Variants in NVL observed in about 807,000 individuals in gnomAD.
NVL encodes nuclear VCP like, also known as nuclear valosin-containing protein-like.
Under a neutral mutation model 110.2 loss-of-function variants are expected in NVL, and 84 were observed. The observed-to-expected ratio is 0.76, with a 90% CI of 0.64 to 0.91. The LOEUF (loss-of-function observed/expected upper bound fraction) is 0.91, where lower values mean the gene tolerates loss of function less well. Among genes scored for constraint, NVL ranks in the 40% least tolerant of loss-of-function variants. The pLI, the probability that NVL is intolerant of heterozygous loss-of-function variation, is 0.00. For missense variants in NVL, 882 were observed against 1,035.9 expected, an observed-to-expected ratio of 0.85 and a Z score of 2.04; for synonymous variants, 354 against 361.1, an observed-to-expected ratio of 0.98 and a Z score of 0.22.
chr1:224,328,687 T>C (rs1323245192), intron 1 of NVL, among the ~76,000 whole-genome samples: 1 of 151,978 alleles, frequency 6.6e-6, no homozygotes, highest in Non-Finnish European at 1.5e-5. Flanking sequence ...ATACAGGAAA[T>C]GAAAGACTCA....
intron 10 of NVL, 58 bp downstream of exon 10, chr1:224,300,504 A>T: frequency 8.2e-7 from 1 of 1,220,502 alleles, no homozygotes; most frequent in Non-Finnish European, 1.2e-6. Context: ...AAAAAGCAGG[A>T]TCTTTAATAT....
At chr1:224,329,991 T>A (rs948173229) in intron 1 of NVL, 80 bp downstream of exon 1, 4 of 1,386,088 alleles carry the variant, frequency 2.9e-6, no homozygotes, top group Admixed American at 1.7e-5. Context: ...TCCACCTGGA[T>A]GCCACCCGAC....
rs372108843 is a variant in NVL at position 224,253,189 on chromosome 1, T to G, written c.2183-2871A>C. 3.0e-3 allele frequency among the ~76,000 whole-genome samples: 459 copies of G among 151,732 alleles called. 3 individuals carry two copies. The highest frequency in any genetic ancestry group is 0.011 in the African/African-American group (443 of 41,430). On this transcript the variant is annotated intron_variant, in intron 18 of 22. Transcript: ENST00000281701. ...CCTCCCAAGTAGCTGAGATTACAAG[T>G]GTGCCCCCCTGCCCCCCACGCCCGG...
intron 18 of NVL, among the ~76,000 whole-genome samples, chr1:224,261,917 C>T (rs1191597645): frequency 6.6e-6 from 1 of 151,882 alleles, no homozygotes; most frequent in African/African-American, 2.4e-5. Flanking sequence ...GTGGTGATTG[C>T]ACTACTGCAC....
Position 224,322,634 on chromosome 1 carries a change from G to C in NVL, c.131+3757C>G, listed in dbSNP as rs867808856. On this transcript the variant is annotated intron_variant, in intron 2 of 22. Coordinates refer to ENST00000281701, the MANE Select transcript of NVL (RefSeq NM_002533.4). ...TGAGGTGCATGTTAGAAGAAACCTA[G>C]ATGGCTCTGAAGTGACTGCTGTTAG... is the stretch of plus-strand genomic sequence containing the variant. Among the ~76,000 whole-genome samples, 12 of 152,236 alleles carry C rather than the reference G, an allele frequency of 7.9e-5. No homozygotes were observed. In the Middle Eastern group the frequency reaches 0.02, roughly 259 times the overall value.
chr1:224,327,934 G>A (rs1424140991), intron 1 of NVL, among the ~76,000 whole-genome samples: 4 of 151,942 alleles, frequency 2.6e-5, no homozygotes. Flanking sequence ...GGTCTGTGTG[G>A]CTGGGACAGG....
chr1:224,233,121 C>A, intron 21 of NVL, 80 bp downstream of exon 21: 2 of 1,197,878 alleles, frequency 1.7e-6, no homozygotes, highest in South Asian at 2.7e-5. Flanking sequence ...ATAATAGACA[C>A]TAGAAAATGG....
rs34120278 is a variant in NVL at position 224,255,182 on chromosome 1, G to GTTTTTTTTT, written c.2183-4873_2183-4865dup. On this transcript the variant is annotated intron_variant, in intron 18 of 22. Transcript: ENST00000281701. Reference sequence around the variant, plus strand: ...ATGTGCCTGGCCCAAAATGGTGTAGGTTTTTTTTTTTTTTTTTTTTTTCCT... The same window carrying GTTTTTTTTT: ...ATGTGCCTGGCCCAAAATGGTGTAGGTTTTTTTTTTTTTTTTTTTTTTTTTTTTTTTCCT... 4.1e-5 allele frequency among the ~76,000 whole-genome samples: 4 copies of GTTTTTTTTT among 96,712 alleles called. 1 individual carries two copies. Among genetic ancestry groups the GTTTTTTTTT allele is most frequent in the Admixed American group, 3.1e-4 (2 of 6,454 alleles). 63.4% of individuals were successfully genotyped at this position (96,712 alleles called of 152,430 possible). A position where few individuals can be genotyped will look rare whatever the true frequency, so the allele number is the denominator to read the frequency against.
At chr1:224,232,978 G>C (rs1660063376) in intron 21 of NVL, 2 of 407,366 alleles carry the variant, frequency 4.9e-6, no homozygotes, top group Non-Finnish European at 8.7e-6. Flanking sequence ...TTTGCCTATA[G>C]GGACAGTACT....
At chr1:224,246,295 G>T (rs1483076832) in intron 19 of NVL, among the ~76,000 whole-genome samples, 1 of 152,218 alleles carries the variant, frequency 6.6e-6, no homozygotes, top group African/African-American at 2.4e-5. Flanking sequence ...CTCCCAAAGT[G>T]CTGGGATTAT....
At chr1:224,264,357 C>T (rs1197630277) in intron 18 of NVL, among the ~76,000 whole-genome samples, 1 of 151,626 alleles carries the variant, frequency 6.6e-6, no homozygotes, top group Non-Finnish European at 1.5e-5. Flanking sequence ...GATTCTCCTT[C>T]CTGCCTCAGC....
intron 19 of NVL, among the ~76,000 whole-genome samples, chr1:224,245,264 T>C (rs147856993): frequency 1.3e-5 from 2 of 152,346 alleles, no homozygotes; most frequent in African/African-American, 4.8e-5. Flanking sequence ...GGGCAGGAAG[T>C]CTGCCTTGTG....
intron 22 of NVL, 36 bp from the exon 23 acceptor site, chr1:224,227,706 C>A: frequency 6.3e-7 from 1 of 1,596,382 alleles, no homozygotes; most frequent in South Asian, 1.1e-5. Context: ...CAGAGACCGT[C>A]ACTGCTTGTT....
chr1:224,244,322 G>A (rs1314883827), intron 19 of NVL, among the ~76,000 whole-genome samples: 2 of 151,236 alleles, frequency 1.3e-5, no homozygotes, highest in African/African-American at 2.4e-5. Context: ...AGCTGAGATC[G>A]CACCATTGTA....
At chr1:224,303,478 T>C (rs991226745) in intron 9 of NVL, among the ~76,000 whole-genome samples, 6 of 151,340 alleles carry the variant, frequency 4.0e-5, no homozygotes, top group African/African-American at 1.5e-4. Context: ...ATCTAACTCT[T>C]GCCATATAAA....
At chr1:224,281,219 C>A (rs79564051) in intron 15 of NVL, 34 bp from the exon 16 acceptor site, 3 of 1,524,024 alleles carry the variant, frequency 2.0e-6, no homozygotes, top group African/African-American at 2.7e-5. Context: ...ACAAATAAGA[C>A]CAATACACAG....
chr1:224,316,871 C>T (rs896330276), intron 4 of NVL, among the ~76,000 whole-genome samples: 2 of 152,038 alleles, frequency 1.3e-5, no homozygotes, highest in Non-Finnish European at 2.9e-5. Context: ...GGCGCAATGG[C>T]TCACGCCTGT....
chr1:224,272,850 C>T (rs1263452714), intron 17 of NVL, among the ~76,000 whole-genome samples: 2 of 149,186 alleles, frequency 1.3e-5, no homozygotes, highest in African/African-American at 2.5e-5. Flanking sequence ...CCGACTAAAA[C>T]GGTGAAACCC....
intron 5 of NVL, among the ~76,000 whole-genome samples, 157 bp from the exon 6 acceptor site, chr1:224,308,420 G>A (rs2102721615): frequency 6.6e-6 from 1 of 152,340 alleles, no homozygotes; most frequent in South Asian, 2.1e-4. Context: ...GCTGGGCACA[G>A]TGGCTTATGC....
Sources: gnomAD v4.1 joint callset for allele counts (sites outside exome capture counted in the v4.1 genomes callset) on GRCh38, gnomAD v4.1.1 for gene constraint, MANE v1.5 for transcripts, NCBI Gene and HGNC (gene_info 2026-07-23, HGNC 2026-07-21) for gene names.